BANK1: variants seen among roughly 807,000 people sequenced by gnomAD.
The protein encoded by BANK1 is B cell scaffold protein with ankyrin repeats 1.
A neutral mutation model predicts 94.5 loss-of-function variants in BANK1; 95 were observed. That is an observed-to-expected ratio of 1.00 (90% CI 0.85 to 1.19). The LOEUF is 1.19. Among genes scored for constraint, BANK1 ranks in the 50% most tolerant of loss-of-function variants. BANK1 has a pLI of 0.00. For missense variants in BANK1, 987 were observed against 932.2 expected, an observed-to-expected ratio of 1.06 and a Z score of -0.77; for synonymous variants, 334 against 308.4, an observed-to-expected ratio of 1.08 and a Z score of -0.87.
At chr4:101,993,006 A>G (rs1725761555) in intron 7 of BANK1, among the ~76,000 whole-genome samples, 1 of 152,178 alleles carries the variant, frequency 6.6e-6, no homozygotes, top group Non-Finnish European at 1.5e-5. Context: ...TAGGTTCACA[A>G]GCCCTTTAGG....
At chr4:101,987,486 T>C (rs1478741954) in intron 7 of BANK1, among the ~76,000 whole-genome samples, 1 of 152,190 alleles carries the variant, frequency 6.6e-6, no homozygotes, top group Non-Finnish European at 1.5e-5. Context: ...ATTTTTCATA[T>C]ATTTTGATAT....
At chr4:102,033,521 A>T (rs1198343926) in intron 10 of BANK1, among the ~76,000 whole-genome samples, 1 of 152,266 alleles carries the variant, frequency 6.6e-6, no homozygotes, top group Non-Finnish European at 1.5e-5. Context: ...TGTCCTAAGT[A>T]TGTAAATTTT....
intron 7 of BANK1, among the ~76,000 whole-genome samples, chr4:102,001,339 C>T (rs558230850): frequency 3.9e-5 from 6 of 152,204 alleles, no homozygotes; most frequent in Non-Finnish European, 8.8e-5. Flanking sequence ...CAGTGGCTCA[C>T]GACTGTAATC....
At chr4:101,867,160 T>A (rs1728102800) in intron 4 of BANK1, among the ~76,000 whole-genome samples, 4 of 35,334 alleles carry the variant, frequency 1.1e-4, no homozygotes, top group Admixed American at 2.4e-4. Context: ...AAACTTAGAG[T>A]ATAATAAAAA....
chr4:101,798,220 A>G (rs1725225562), intron 1 of BANK1, among the ~76,000 whole-genome samples: 1 of 152,132 alleles, frequency 6.6e-6, no homozygotes, highest in Non-Finnish European at 1.5e-5. Context: ...AATGAGTGGA[A>G]GAAGGTAAGG....
At chr4:101,993,268 AGTT>A (rs1398942006) in intron 7 of BANK1, among the ~76,000 whole-genome samples, 1 of 152,188 alleles carries the variant, frequency 6.6e-6, no homozygotes, top group African/African-American at 2.4e-5. Flanking sequence ...AGCTGGAAAA[AGTT>A]GTACATCGTT....
At chr4:102,039,596 G>C (rs1360507003) in intron 10 of BANK1, among the ~76,000 whole-genome samples, 1 of 152,048 alleles carries the variant, frequency 6.6e-6, no homozygotes, top group Non-Finnish European at 1.5e-5. Flanking sequence ...TTATGATTCT[G>C]ACCCTTCCTG....
At chr4:101,833,856 A>T in intron 2 of BANK1, among the ~76,000 whole-genome samples, 1 of 152,214 alleles carries the variant, frequency 6.6e-6, no homozygotes, top group African/African-American at 2.4e-5. Context: ...CAAGTTTCTT[A>T]TGATCTCTTT....
In BANK1 at chr4:101,922,009, C is replaced by CGTGTGTGTGTGT. The variant is rs68027862; in HGVS notation, c.1206+3856_1206+3867dup. ...TCTTTGTCCCTGTGGACACTGGGCC[C>CGTGTGTGTGTGT]GTGTGTGTGTGTGTGTGTGTGTGTG... On this transcript the variant is annotated intron_variant, in intron 7 of 16. Coordinates refer to ENST00000322953, the MANE Select transcript of BANK1 (RefSeq NM_017935.5). Among the ~76,000 whole-genome samples the CGTGTGTGTGTGT allele has an allele frequency of 2.1e-3, 277 of 129,442 alleles. 1 individual carries two copies. Among genetic ancestry groups the CGTGTGTGTGTGT allele is most frequent in the African/African-American group, 4.9e-3 (160 of 32,970 alleles). 84.9% of individuals were successfully genotyped at this position (129,442 alleles called of 152,430 possible).
At chr4:101,825,396 T>C (rs1726324611) in intron 1 of BANK1, among the ~76,000 whole-genome samples, 1 of 151,912 alleles carries the variant, frequency 6.6e-6, no homozygotes, top group African/African-American at 2.4e-5. Flanking sequence ...TGGTCCTAGA[T>C]ATTATTCAGT....
rs763632502 is a variant in BANK1 at position 102,047,190 on chromosome 4, G to A, written c.1969+3283G>A. Among the ~76,000 whole-genome samples the A allele has an allele frequency of 1.4e-4, 22 of 152,192 alleles. No homozygotes were observed. In the South Asian group the frequency reaches 2.1e-3, roughly 14 times the overall value. On this transcript the variant is annotated intron_variant, in intron 11 of 16. Transcript: ENST00000322953. Reference sequence around the variant, plus strand: ...ATTATGAATCATCCTTCAAACAAGGGTGCATTCTTAAATGAGTGATCCTCA... The same window carrying A: ...ATTATGAATCATCCTTCAAACAAGGATGCATTCTTAAATGAGTGATCCTCA...
At chr4:102,057,290 TTCTC>T (rs201570055) in intron 11 of BANK1, among the ~76,000 whole-genome samples, 167 of 145,964 alleles carry the variant, frequency 1.1e-3, no homozygotes, top group Middle Eastern at 3.5e-3. Flanking sequence ...CTCTCTCTCT[TTCTC>T]TCTTTCTCTC....
intron 1 of BANK1, among the ~76,000 whole-genome samples, chr4:101,799,454 A>G (rs575993444): frequency 6.6e-6 from 1 of 152,250 alleles, no homozygotes; most frequent in African/African-American, 2.4e-5. Context: ...GGCTCTGGGT[A>G]TATACCCAAA....
chr4:101,966,599 G>A (rs910447878), intron 7 of BANK1, among the ~76,000 whole-genome samples: 5 of 152,120 alleles, frequency 3.3e-5, no homozygotes, highest in South Asian at 2.1e-4. Context: ...TAATTAATTA[G>A]ACTTTGATTT....
At chr4:101,964,630 T>A (rs1320281881) in intron 7 of BANK1, among the ~76,000 whole-genome samples, 1 of 152,090 alleles carries the variant, frequency 6.6e-6, no homozygotes, top group Non-Finnish European at 1.5e-5. Context: ...AGGGTGTCAT[T>A]TTTCACAAAG....
intron 3 of BANK1, among the ~76,000 whole-genome samples, chr4:101,857,718 C>G (rs770914738): frequency 2.6e-5 from 4 of 152,046 alleles, no homozygotes; most frequent in Non-Finnish European, 5.9e-5. Context: ...AACTTTTTTT[C>G]CCCATGCACT....
intron 10 of BANK1, among the ~76,000 whole-genome samples, chr4:102,041,444 C>T (rs1184864534): frequency 6.6e-6 from 1 of 152,040 alleles, no homozygotes; most frequent in Non-Finnish European, 1.5e-5. Flanking sequence ...ACCTCCCCAA[C>T]TGAAAGCGAT....
chr4:101,813,840 C>G (rs1217971148), intron 1 of BANK1: 1 of 985,124 alleles, frequency 1.0e-6, no homozygotes, highest in Admixed American at 6.2e-5. Flanking sequence ...CCAACAAGGG[C>G]TGCAGAGGAT....
intron 5 of BANK1, among the ~76,000 whole-genome samples, chr4:101,891,803 G>T (rs1398762879): frequency 1.3e-5 from 2 of 151,886 alleles, no homozygotes; most frequent in Non-Finnish European, 2.9e-5. Flanking sequence ...TTTGATTACT[G>T]TATTTTCAGT....
Sources: allele counts gnomAD v4.1 joint callset (sites outside exome capture counted in the v4.1 genomes callset), GRCh38; gene constraint gnomAD v4.1.1; transcripts MANE v1.5; gene names NCBI Gene and HGNC (gene_info 2026-07-23, HGNC 2026-07-21).